The following ZNF710 variants were observed in gnomAD, a reference collection of about 807,000 sequenced individuals.
ZNF710 encodes zinc finger protein 710.
Under a neutral mutation model 50.6 loss-of-function variants are expected in ZNF710, and 13 were observed. That is an observed-to-expected ratio of 0.26 (90% CI 0.17 to 0.41). The LOEUF (loss-of-function observed/expected upper bound fraction) is 0.41. Ranked by LOEUF, ZNF710 falls within the 10% of genes least tolerant of loss-of-function variation. ZNF710 has a pLI of 1.00. For missense variants in ZNF710, 721 were observed against 936.6 expected (o/e 0.77, Z 3.01); for synonymous variants, 383 against 397.0 (o/e 0.96, Z 0.42).
At chr15:90,027,132 A>C (rs1344898028) in intron 1 of ZNF710, among the ~76,000 whole-genome samples, 4 of 152,250 alleles carry the variant, frequency 2.6e-5, no homozygotes, top group Admixed American at 2.6e-4. Flanking sequence ...GTTTATTTCC[A>C]AAGTTTAGAA....
chr15:90,060,712 C>T (rs949694858), intron 1 of ZNF710, among the ~76,000 whole-genome samples: 8 of 151,960 alleles, frequency 5.3e-5, no homozygotes, highest in African/African-American at 1.7e-4. Context: ...AAAAATTAGC[C>T]GAGCATGGTG....
chr15:90,004,944 C>G (rs1898102347), intron 1 of ZNF710, among the ~76,000 whole-genome samples: 1 of 152,192 alleles, frequency 6.6e-6, no homozygotes. Flanking sequence ...CTTCAAAGTC[C>G]AACAATCAGA....
intron 1 of ZNF710, among the ~76,000 whole-genome samples, chr15:90,057,801 A>C (rs7165909): frequency 0.11 from 16,789 of 151,972 alleles, 1,078 homozygotes; most frequent in African/African-American, 0.15. Context: ...ATTCTGGTTT[A>C]ACTGGTCTAG....
At chr15:90,051,645 A>T (rs1899649746) in intron 1 of ZNF710, among the ~76,000 whole-genome samples, 1 of 152,138 alleles carries the variant, frequency 6.6e-6, no homozygotes, top group Non-Finnish European at 1.5e-5. Context: ...AATAATAATA[A>T]TAATTAATTA....
intron 1 of ZNF710, among the ~76,000 whole-genome samples, chr15:90,008,426 G>GTGTGTGTA (rs1257714024): frequency 8.0e-6 from 1 of 124,272 alleles, no homozygotes; most frequent in East Asian, 2.0e-4. Context: ...GTGTGTGTGT[G>GTGTGTGTA]TATATATATA....
chr15:90,047,777 G>T (rs1899515432), intron 1 of ZNF710, among the ~76,000 whole-genome samples: 1 of 151,814 alleles, frequency 6.6e-6, no homozygotes, highest in Non-Finnish European at 1.5e-5. Flanking sequence ...AGTAGAGGCG[G>T]CATTTCACCA....
In ZNF710 at chr15:90,081,395, T is replaced by G. The variant is rs1404815877; in HGVS notation, c.*1566T>G. 6.6e-6 allele frequency: 1 copy of G among 152,156 alleles called. No homozygotes were observed. Among genetic ancestry groups the G allele is most frequent in the Non-Finnish European group, 1.5e-5 (1 of 68,054 alleles). The allele number at this position is 152,156 out of a possible 1,614,324, so 9.4% of individuals were successfully genotyped here. A position where few individuals can be genotyped will look rare whatever the true frequency, so the allele number is the denominator to read the frequency against. Reference sequence around the variant, plus strand: ...CAGGGGTCTTCCCCAAAGGCACAGATGAAGCCACTAGCTTCAGCCTAGAAA... The same window carrying G: ...CAGGGGTCTTCCCCAAAGGCACAGAGGAAGCCACTAGCTTCAGCCTAGAAA... On this transcript the variant is annotated 3_prime_UTR_variant, in exon 5 of 5. Transcript: ENST00000268154.
chr15:90,003,602 G>A (rs1023663773), intron 1 of ZNF710, among the ~76,000 whole-genome samples: 1 of 152,226 alleles, frequency 6.6e-6, no homozygotes, highest in Non-Finnish European at 1.5e-5. Flanking sequence ...TTCTTAACTC[G>A]TTAGATAAGA....
chr15:90,060,458 G>T (rs1899971673), intron 1 of ZNF710, among the ~76,000 whole-genome samples: 1 of 152,186 alleles, frequency 6.6e-6, no homozygotes, highest in Non-Finnish European at 1.5e-5. Flanking sequence ...GGAGGCTGAG[G>T]CAGGAGGATT....
At chr15:90,028,489 C>G (rs1898841898) in intron 1 of ZNF710, among the ~76,000 whole-genome samples, 1 of 152,178 alleles carries the variant, frequency 6.6e-6, no homozygotes, top group Non-Finnish European at 1.5e-5. Context: ...GGATCATGCC[C>G]TGTGCTGGGA....
rs147358324 is a variant in ZNF710, at chr15:90,078,899, C to A, written c.1826-761C>A. Among the ~76,000 whole-genome samples, 1,091 of 152,338 alleles carry A rather than the reference C, an allele frequency of 7.2e-3. 15 individuals are homozygous for A. The highest frequency in any genetic ancestry group is 0.025 in the African/African-American group (1,035 of 41,572). The stretch of plus-strand genomic sequence containing the variant: ...AGCCTCCCAGTTCCCCCAGATCCTA[C>A]CCTGGGCTTCCCCTGTAAGAGCTTT... On this transcript the variant is annotated intron_variant, in intron 4 of 4. Coordinates refer to ENST00000268154, the MANE Select transcript of ZNF710 (RefSeq NM_198526.4).
At chr15:90,058,870 C>G (rs1008620537) in intron 1 of ZNF710, among the ~76,000 whole-genome samples, 1 of 152,086 alleles carries the variant, frequency 6.6e-6, no homozygotes, top group African/African-American at 2.4e-5. Context: ...AGGCAGAATT[C>G]TTTCTCTGGG....
At chr15:90,029,000 A>G (rs1898856832) in intron 1 of ZNF710, among the ~76,000 whole-genome samples, 1 of 152,210 alleles carries the variant, frequency 6.6e-6, no homozygotes, top group African/African-American at 2.4e-5. Context: ...GTCTTTTTCA[A>G]ACCTTTTGTA....
At chr15:90,066,023 C>G (rs940457165) in intron 1 of ZNF710, among the ~76,000 whole-genome samples, 2 of 152,152 alleles carry the variant, frequency 1.3e-5, no homozygotes, top group Non-Finnish European at 2.9e-5. Context: ...GCTCTTCTTT[C>G]AAATCAGATC....
In ZNF710 at chr15:90,081,679, C is replaced by T. The variant is rs1900725583; in HGVS notation, c.*1850C>T. 1 of 152,494 alleles carries T rather than the reference C, an allele frequency of 6.6e-6. No homozygotes were observed. Among genetic ancestry groups the T allele is most frequent in the Non-Finnish European group, 1.5e-5 (1 of 68,238 alleles). 9.4% of individuals were successfully genotyped at this position (152,494 alleles called of 1,614,324 possible). A position where few individuals can be genotyped will look rare whatever the true frequency, so the allele number is the denominator to read the frequency against. Reference sequence around the variant, plus strand: ...TCTCCTGCTGAGCAGAAGGCATCATCCCCTGCAACTACCTCTTCCCACGTC... The same window carrying T: ...TCTCCTGCTGAGCAGAAGGCATCATTCCCTGCAACTACCTCTTCCCACGTC... On this transcript the variant is annotated 3_prime_UTR_variant, in exon 5 of 5. Coordinates refer to ENST00000268154, the MANE Select transcript of ZNF710 (RefSeq NM_198526.4).
intron 1 of ZNF710, among the ~76,000 whole-genome samples, chr15:90,019,716 G>A (rs1898558020): frequency 6.6e-6 from 1 of 152,188 alleles, no homozygotes; most frequent in Non-Finnish European, 1.5e-5. Flanking sequence ...GCTTTACAAT[G>A]GGAGTGCGAG....
intron 1 of ZNF710, among the ~76,000 whole-genome samples, chr15:90,021,831 A>G (rs1308489080): frequency 6.6e-6 from 1 of 152,180 alleles, no homozygotes; most frequent in Non-Finnish European, 1.5e-5. Context: ...CACACCTGTA[A>G]TCCCAGCACT....
At position 90,062,040 on chromosome 15, in the gene ZNF710, G is replaced by A. The variant is rs981776517; in HGVS notation, c.-28-5070G>A. ...CTGGCCTGGCCCTCAGGCCTGGGAG[G>A]TGGAGGTGCCGAGCCCTGGGAAATA... On this transcript the variant is annotated intron_variant, in intron 1 of 4. Transcript: ENST00000268154. This position sits in a 1 kb window ranked among gnomAD's most constrained non-coding sequence, Gnocchi z 5.6. Among the ~76,000 whole-genome samples, 16 of 152,086 alleles carry A rather than the reference G, an allele frequency of 1.1e-4. No individual in the cohort carries two copies. Among genetic ancestry groups the A allele is most frequent in the Middle Eastern group, 3.4e-3 (1 of 294 alleles).
At chr15:90,060,244 G>A (rs1899965623) in intron 1 of ZNF710, among the ~76,000 whole-genome samples, 1 of 152,226 alleles carries the variant, frequency 6.6e-6, no homozygotes, top group Non-Finnish European at 1.5e-5. Flanking sequence ...AATAGGTTTA[G>A]TAAATGTGCA....
Sources: gnomAD v4.1 joint callset for allele counts (sites outside exome capture counted in the v4.1 genomes callset) on GRCh38, gnomAD v4.1.1 for gene constraint, Gnocchi (gnomAD v3.1) non-coding constraint, MANE v1.5 for transcripts, NCBI Gene and HGNC (gene_info 2026-07-23, HGNC 2026-07-21) for gene names.